Variants in SLITRK5 observed in about 807,000 individuals in gnomAD.
The protein encoded by SLITRK5 is SLIT and NTRK like family member 5.
In SLITRK5, 23 loss-of-function variants were observed where a neutral mutation model predicts 56.2. That is an observed-to-expected ratio of 0.41 (90% CI 0.29 to 0.58). The LOEUF (loss-of-function observed/expected upper bound fraction) is 0.58, where lower values mean the gene tolerates loss of function less well. SLITRK5 is among the 20% of genes least tolerant of loss of function. The pLI, the probability that SLITRK5 is intolerant of heterozygous loss-of-function variation, is 0.30. For missense variants in SLITRK5, 1,289 were observed against 1,226.6 expected, an observed-to-expected ratio of 1.05 and a Z score of -0.76; for synonymous variants, 637 against 531.8, an observed-to-expected ratio of 1.20 and a Z score of -2.72.
In SLITRK5 at chr13:87,679,375, ATTGT is replaced by A. The variant is rs1877441837; in HGVS notation, c.*1113_*1116del. On this transcript the variant is annotated 3_prime_UTR_variant, in exon 2 of 2. Transcript: ENST00000683689. ...TGACTACTATTGTAGCCGATTTTCG[ATTGT>A]TTAACCAAACCCAGTTGCATTTGTA... 6.0e-6 allele frequency: 1 copy of A among 167,012 alleles called. No homozygotes were observed. Among genetic ancestry groups the A allele is most frequent in the Non-Finnish European group, 1.5e-5 (1 of 68,100 alleles). The allele number at this position is 167,012 out of a possible 1,614,324, so 10.3% of individuals were successfully genotyped here. A position where few individuals can be genotyped will look rare whatever the true frequency, so the allele number is the denominator to read the frequency against.
At position 87,677,867 on chromosome 13, in the gene SLITRK5, C is replaced by A. The variant is rs371233361; in HGVS notation, c.2479C>A (p.His827Asn). Residue 827 changes from histidine to asparagine, a missense_variant, in exon 2 of 2, where the codon CAC (histidine) becomes AAC (asparagine). By Grantham distance (68) the His-to-Asn change is moderately conservative. Around this residue, in one of 3 missense-constraint regions of SLITRK5, gnomAD observed 985 missense variants for 906.0 expected, o/e 1.09. Coordinates refer to ENST00000683689, the MANE Select transcript of SLITRK5 (RefSeq NM_001384609.1). This position sits in a 1 kb window ranked among gnomAD's most constrained non-coding sequence, Gnocchi z 4.7. ...PGEEERRESH[H>N]LRSPAYSVST... Reference sequence around the variant, plus strand: ...GGAGGAGGAGAGGCGGGAAAGCCACCACTTGCGGAGCCCCGCCTACAGCGT... The same window carrying A: ...GGAGGAGGAGAGGCGGGAAAGCCACAACTTGCGGAGCCCCGCCTACAGCGT... 27 of 1,608,568 alleles carry A rather than the reference C, an allele frequency of 1.7e-5. No individual in the cohort carries two copies. The highest frequency in any genetic ancestry group is 3.3e-5 in the South Asian group (3 of 90,864).
In SLITRK5 at chr13:87,676,363, A is replaced by C. The variant is rs201767187; in HGVS notation, c.975A>C (p.Lys325Asn). The C allele has an allele frequency of 1.9e-6, 3 of 1,613,244 alleles. No homozygotes were observed. The highest frequency in any genetic ancestry group is 1.1e-5 in the South Asian group (1 of 91,022). ...SVATSSSAVY[K>N]PPLKPPKGTR... Reference sequence around the variant, plus strand: ...CCACTTCTTCCTCTGCTGTTTACAAACCCCCTTTGAAGCCCCCTAAGGGGA... The same window carrying C: ...CCACTTCTTCCTCTGCTGTTTACAACCCCCCTTTGAAGCCCCCTAAGGGGA... The change falls in exon 2 of 2, where the codon AAA becomes AAC. Residue 325 changes from lysine (K) to asparagine (N), a missense_variant. This residue lies in a region of SLITRK5 where 985 missense variants were observed against 906.0 expected (regional missense o/e 1.09). Coordinates refer to ENST00000683689, the MANE Select transcript of SLITRK5 (RefSeq NM_001384609.1).
In SLITRK5 at chr13:87,675,903, C is replaced by T. The variant is rs1015870493; in HGVS notation, c.515C>T (p.Ala172Val). 6.2e-7 allele frequency: 1 copy of T among 1,614,164 alleles called. No individual in the cohort carries two copies. The change falls in exon 2 of 2, where the codon GCT becomes GTT. Residue 172 changes from alanine (A) to valine (V), a missense_variant. Physicochemically the swap from Ala to Val is moderately conservative, Grantham distance 64. Transcript: ENST00000683689. ...TACATCAGCGTCATTGAACCCAATG[C>T]TTTTGGGAAACTGCATTTGTTGCAG... ...YNYISVIEPN[A>V]FGKLHLLQVL...
chr13:87,677,778 A>C lies in SLITRK5; in HGVS notation c.2390A>C (p.Gln797Pro), dbSNP rs11840163. 790 of 1,606,730 alleles carry C rather than the reference A, an allele frequency of 4.9e-4. 2 individuals carry two copies. In the African/African-American group the frequency reaches 8.7e-3, roughly 18 times the overall value. ...SSNHHLQQQQ[Q>P]PPPPPQQPQQ... ...AACCACCACCTGCAGCAGCAGCAGC[A>C]GCCGCCGCCGCCACCGCAGCAGCCA... Residue 797 changes from glutamine to proline, a missense_variant, in exon 2 of 2, where the codon CAG becomes CCG. By Grantham distance (76) the Gln-to-Pro change is moderately conservative. This residue lies in a region of SLITRK5 where 985 missense variants were observed against 906.0 expected (regional missense o/e 1.09). Transcript: ENST00000683689. The surrounding 1 kb of genome is among the most constrained non-coding windows in gnomAD (Gnocchi z 4.7).
Position 87,675,899 on chromosome 13 carries a change from A to C in SLITRK5, c.511A>C (p.Asn171His). ...CAACTACATCAGCGTCATTGAACCCAATGCTTTTGGGAAACTGCATTTGTT... is the reference window on the plus strand; with the variant it reads ...CAACTACATCAGCGTCATTGAACCCCATGCTTTTGGGAAACTGCATTTGTT... ...DYNYISVIEPNAFGKLHLLQV... is the reference protein window; with the variant it reads ...DYNYISVIEPHAFGKLHLLQV... The change falls in exon 2 of 2, where the codon AAT (asparagine) becomes CAT (histidine). Residue 171 changes from asparagine to histidine, a missense_variant. Coordinates refer to ENST00000683689, the MANE Select transcript of SLITRK5 (RefSeq NM_001384609.1). The C allele has an allele frequency of 1.2e-6, 2 of 1,614,092 alleles. No homozygotes were observed. The highest frequency in any genetic ancestry group is 1.7e-6 in the Non-Finnish European group (2 of 1,180,014).
rs77383248 is a variant in SLITRK5 at position 87,676,879 on chromosome 13, G to A, written c.1491G>A (p.Gln497=). ...AGTACAATCTCATCCGCGAGATTCA[G>A]TCTGGAACTTTTGACCCGGTCCCAA... ...FLQYNLIREI[Q]SGTFDPVPNL... The change falls in exon 2 of 2, where the codon CAG becomes CAA. Residue 497 remains glutamine (Q), a synonymous_variant. Coordinates refer to ENST00000683689, the MANE Select transcript of SLITRK5 (RefSeq NM_001384609.1). The A allele has an allele frequency of 1.9e-6, 3 of 1,613,964 alleles. No individual in the cohort carries two copies. Among genetic ancestry groups the A allele is most frequent in the Non-Finnish European group, 2.5e-6 (3 of 1,180,026 alleles).
rs1171126666 is a variant in SLITRK5 at position 87,671,911 on chromosome 13, A to G, written c.-307A>G. On this transcript the variant is annotated 5_prime_UTR_variant, in exon 1 of 2. Coordinates refer to ENST00000683689, the MANE Select transcript of SLITRK5 (RefSeq NM_001384609.1). ...CTGCAGCCGCCGCCTTCGCTGGAGC[A>G]GCCGAGGGGCCGGTGCCACCTTTGC... 6.6e-6 allele frequency among the ~76,000 whole-genome samples: 1 copy of G among 152,118 alleles called. No homozygotes were observed. The highest frequency in any genetic ancestry group is 2.0e-4 in the East Asian group (1 of 5,128).
Position 87,676,679 on chromosome 13 carries a change from GAGGCC to G in SLITRK5, c.1293_1297del (p.Glu431AspfsTer11). 6.2e-7 allele frequency: 1 copy of G among 1,613,988 alleles called. No individual in the cohort carries two copies. The highest frequency in any genetic ancestry group is 8.5e-7 in the Non-Finnish European group (1 of 1,180,030). ...TGTCGTGCGCAGGACAGACTTCCTG[GAGGCC>G]ACGGGGCTGGACCTCCTGCACCTGG... On this transcript the variant is annotated frameshift_variant, in exon 2 of 2. Coordinates refer to ENST00000683689, the MANE Select transcript of SLITRK5 (RefSeq NM_001384609.1). LOFTEE classifies it high-confidence loss of function.
intron 1 of SLITRK5, among the ~76,000 whole-genome samples, 184 bp downstream of exon 1, chr13:87,672,393 C>T (rs1219984653): frequency 6.6e-6 from 1 of 151,852 alleles, no homozygotes; most frequent in Admixed American, 6.5e-5. Flanking sequence ...GCGTCCCCCT[C>T]CTCCCGCTCC....
chr13:87,674,203 C>T (rs1283741399), intron 1 of SLITRK5, among the ~76,000 whole-genome samples: 2 of 152,102 alleles, frequency 1.3e-5, no homozygotes, highest in African/African-American at 4.8e-5. Flanking sequence ...AACAACTGAC[C>T]TAAGTCGCTT....
At chr13:87,673,186 G>T (rs1188899720) in intron 1 of SLITRK5, among the ~76,000 whole-genome samples, 1 of 124,746 alleles carries the variant, frequency 8.0e-6, no homozygotes, top group Non-Finnish European at 1.7e-5. Flanking sequence ...TAGTTCCCCC[G>T]CCCCCGCCCT....
intron 1 of SLITRK5, among the ~76,000 whole-genome samples, chr13:87,674,083 G>T (rs1428739750): frequency 1.3e-5 from 2 of 151,344 alleles, no homozygotes; most frequent in African/African-American, 2.4e-5. Context: ...TGCTGCTGTT[G>T]ATCAGAAGTA....
chr13:87,673,677 G>A lies in SLITRK5; in HGVS notation c.-9+1468G>A, dbSNP rs1242812184. 4 of 475,376 alleles carry A rather than the reference G, an allele frequency of 8.4e-6. No homozygotes were observed. In the East Asian group the frequency reaches 2.1e-4, roughly 25 times the overall value. The allele number at this position is 475,376 out of a possible 1,614,324, so 29.4% of individuals were successfully genotyped here. On this transcript the variant is annotated intron_variant, in intron 1 of 1. Transcript: ENST00000683689. ...GGTCGGGGATACTTGCGAGGTTTAT[G>A]CACTGTGGTTCCAATTCATCTCGAC...
rs1436020915 is a variant in SLITRK5, at chr13:87,675,822, G to A, written c.434G>A (p.Arg145Gln). The A allele has an allele frequency of 8.1e-6, 13 of 1,614,098 alleles. No homozygotes were observed. Among genetic ancestry groups the A allele is most frequent in the Admixed American group, 1.7e-5 (1 of 60,010 alleles). ...HLNNNKLELL[R>Q]DDTFLGLENL... is the part of the protein sequence containing the mutation. ...AACAATAATAAACTGGAACTTCTGCGAGATGATACCTTCCTTGGCTTGGAG... is the reference window on the plus strand; with the variant it reads ...AACAATAATAAACTGGAACTTCTGCAAGATGATACCTTCCTTGGCTTGGAG... The change falls in exon 2 of 2, where the codon CGA becomes CAA. Residue 145 changes from arginine (R) to glutamine (Q), a missense_variant. Arg to Gln is a conservative substitution (Grantham distance 43). Around this residue, in one of 3 missense-constraint regions of SLITRK5, gnomAD observed 291 missense variants for 286.7 expected, o/e 1.02. Coordinates refer to ENST00000683689, the MANE Select transcript of SLITRK5 (RefSeq NM_001384609.1).
rs896139074 is a variant in SLITRK5, at chr13:87,676,500, C to A, written c.1112C>A (p.Pro371His). Residue 371 changes from proline (P) to histidine (H), a missense_variant, in exon 2 of 2, where the codon CCT becomes CAT. This residue lies in a region of SLITRK5 where 985 missense variants were observed against 906.0 expected (regional missense o/e 1.09). Coordinates refer to ENST00000683689, the MANE Select transcript of SLITRK5 (RefSeq NM_001384609.1). ...GCCTATCAGACCAAATCCCCGGTGC[C>A]TTTGGAGTGTCCCACCGCGTGCTCT... ...SIAYQTKSPV[P>H]LECPTACSCN... is the part of the protein sequence containing the mutation. 42 of 1,613,962 alleles carry A rather than the reference C, an allele frequency of 2.6e-5. No homozygotes were observed. Among genetic ancestry groups the A allele is most frequent in the Non-Finnish European group, 2.7e-5 (32 of 1,180,014 alleles).
chr13:87,676,951 C>T lies in SLITRK5; in HGVS notation c.1563C>T (p.Pro521=). The T allele has an allele frequency of 1.9e-6, 3 of 1,614,170 alleles. No individual in the cohort carries two copies. The highest frequency in any genetic ancestry group is 2.5e-6 in the Non-Finnish European group (3 of 1,180,008). Residue 521 remains proline, a synonymous_variant, in exon 2 of 2, where the codon CCC becomes CCT. Transcript: ENST00000683689. ...ATAACAACCTCCTGCAGGCCATGCC[C>T]TCAGGCGTCTTCTCTGGCTTGACCC... is the stretch of plus-strand genomic sequence containing the variant. The part of the protein sequence containing the change: ...FLNNNLLQAM[P]SGVFSGLTLL...
intron 1 of SLITRK5, chr13:87,672,856 TG>T (rs1452108436): frequency 5.9e-5 from 1 of 16,866 alleles, no homozygotes; most frequent in Admixed American, 7.8e-4. Flanking sequence ...GCAAAAGAGG[TG>T]TGTGTGTGTG....
intron 1 of SLITRK5, among the ~76,000 whole-genome samples, chr13:87,675,081 A>T (rs535770381): frequency 2.6e-4 from 40 of 151,718 alleles, no homozygotes; most frequent in African/African-American, 9.2e-4. Context: ...ATTGGTTTTG[A>T]AAAGGGGGGG....
rs755878023 is a variant in SLITRK5 at position 87,675,748 on chromosome 13, T to G, written c.360T>G (p.Ile120Met). 6.2e-7 allele frequency: 1 copy of G among 1,614,080 alleles called. No homozygotes were observed. Among genetic ancestry groups the G allele is most frequent in the African/African-American group, 1.3e-5 (1 of 74,926 alleles). The change falls in exon 2 of 2, where the codon ATT becomes ATG. Residue 120 changes from isoleucine to methionine, a missense_variant. Around this residue, in one of 3 missense-constraint regions of SLITRK5, gnomAD observed 291 missense variants for 286.7 expected, o/e 1.02. Coordinates refer to ENST00000683689, the MANE Select transcript of SLITRK5 (RefSeq NM_001384609.1). ...TAGGTAGCAATGTTATCCAGGACAT[T>G]GAGACCGGGGCTTTCCATGGGCTAC... ...LHLGSNVIQD[I>M]ETGAFHGLRG... is the part of the protein sequence containing the mutation.
Sources: gnomAD v4.1 joint callset for allele counts (sites outside exome capture counted in the v4.1 genomes callset) on GRCh38, gnomAD v4.1.1 for gene constraint, gnomAD v4.1.1 regional missense constraint, Gnocchi (gnomAD v3.1) non-coding constraint, MANE v1.5 for transcripts, NCBI Gene and HGNC (gene_info 2026-07-23, HGNC 2026-07-21) for gene names.